RC3H1: variants seen among roughly 807,000 people sequenced by gnomAD.
RC3H1 encodes ring finger and CCCH-type domains 1, also known as roquin-1.
RC3H1 carries 50 observed loss-of-function variants against 138.2 expected under a neutral mutation model. That is an observed-to-expected ratio of 0.36 (90% confidence interval 0.29 to 0.46). The LOEUF is 0.46. RC3H1 is among the 20% of genes least tolerant of loss of function. The pLI is 1.00. For synonymous variants in RC3H1, 462 were observed against 489.1 expected, an observed-to-expected ratio of 0.94 and a Z score of 0.73; for missense variants, 1,031 against 1,388.1, an observed-to-expected ratio of 0.74 and a Z score of 4.09.
At chr1:174,009,263 C>T (rs1178989754) in intron 1 of RC3H1, 1 of 152,150 alleles carries the variant, frequency 6.6e-6, no homozygotes, top group Non-Finnish European at 1.5e-5. Flanking sequence ...TGGTTAAGAA[C>T]ATAGTTTGTC....
At chr1:173,990,470 C>T (rs1169151770) in intron 2 of RC3H1, among the ~76,000 whole-genome samples, 2 of 151,840 alleles carry the variant, frequency 1.3e-5, no homozygotes, top group East Asian at 3.9e-4. Context: ...CCATTGCCAG[C>T]GTATAGAAAT....
intron 18 of RC3H1, among the ~76,000 whole-genome samples, chr1:173,943,229 C>G (rs909489723): frequency 6.6e-6 from 1 of 152,024 alleles, no homozygotes; most frequent in East Asian, 1.9e-4. Flanking sequence ...TAAAAGTTAA[C>G]GAAGAATTAT....
chr1:173,939,919 G>T (rs913415472), intron 19 of RC3H1, among the ~76,000 whole-genome samples: 1 of 152,112 alleles, frequency 6.6e-6, no homozygotes, highest in Non-Finnish European at 1.5e-5. Context: ...AGAAATTTTT[G>T]TTATATATCA....
At position 173,961,576 on chromosome 1, in the gene RC3H1, T is replaced by A. The variant is rs1357114363; in HGVS notation, c.2202+149A>T. ...CATTATATAGTTTAAAAAAAAAAAA[T>A]ACCCAAATTATGAAAAGATTTAAAA... On this transcript the variant is annotated intron_variant, in intron 12 of 19. Transcript: ENST00000367696. The A allele has an allele frequency of 7.8e-6, 6 of 769,468 alleles. No individual in the cohort carries two copies. In the East Asian group the frequency reaches 1.1e-4, roughly 14 times the overall value. 47.7% of individuals were successfully genotyped at this position (769,468 alleles called of 1,614,324 possible). A position where few individuals can be genotyped will look rare whatever the true frequency, so the allele number is the denominator to read the frequency against.
intron 6 of RC3H1, among the ~76,000 whole-genome samples, chr1:173,979,929 T>C (rs945287573): frequency 1.3e-5 from 2 of 152,102 alleles, no homozygotes; most frequent in Non-Finnish European, 2.9e-5. Flanking sequence ...TCTCACTCTG[T>C]TGCCGAGGTG....
chr1:173,959,614 A>G (rs919977043), intron 13 of RC3H1, among the ~76,000 whole-genome samples: 2 of 151,808 alleles, frequency 1.3e-5, no homozygotes, highest in African/African-American at 4.8e-5. Flanking sequence ...CTACTAAAAT[A>G]CAAAAAATTA....
chr1:174,021,612 A>G (rs1294159532), intron 1 of RC3H1, among the ~76,000 whole-genome samples: 1 of 152,160 alleles, frequency 6.6e-6, no homozygotes, highest in African/African-American at 2.4e-5. Flanking sequence ...ACTTGGCCAA[A>G]GAAGGGGAGC....
chr1:173,974,091 C>G (rs1222840286), intron 7 of RC3H1, among the ~76,000 whole-genome samples: 2 of 151,868 alleles, frequency 1.3e-5, no homozygotes, highest in African/African-American at 2.4e-5. Flanking sequence ...GCTGGGATTA[C>G]AGGCATGAGC....
intron 1 of RC3H1, among the ~76,000 whole-genome samples, chr1:174,012,123 G>A (rs1258239762): frequency 2.3e-5 from 3 of 130,846 alleles, no homozygotes; most frequent in Non-Finnish European, 4.5e-5. Context: ...GAGGTGGCAG[G>A]GGTGGCCTGA....
At position 174,022,308 on chromosome 1, in the gene RC3H1, C is replaced by A; in HGVS notation, c.-363G>T. ...CTGCAGCAGGGGCCATCTTGTTGCT[C>A]GGCCTCCTCTTCCTCCTCCTCGTCC... On this transcript the variant is annotated 5_prime_UTR_variant, in exon 1 of 20. Transcript: ENST00000367696. The surrounding 1 kb of genome is among the most constrained non-coding windows in gnomAD (Gnocchi z 4.2). The A allele has an allele frequency of 5.2e-6, 2 of 381,968 alleles. No homozygotes were observed. The highest frequency in any genetic ancestry group is 1.3e-4 in the South Asian group (1 of 7,492). The allele number at this position is 381,968 out of a possible 1,614,324, so 23.7% of individuals were successfully genotyped here. A position where few individuals can be genotyped will look rare whatever the true frequency, so the allele number is the denominator to read the frequency against.
chr1:173,982,201 G>A (rs867228621), intron 5 of RC3H1, among the ~76,000 whole-genome samples: 16 of 152,042 alleles, frequency 1.1e-4, no homozygotes, highest in Non-Finnish European at 1.6e-4. Context: ...CCAACATGGC[G>A]AAACCCCGTC....
At chr1:173,976,229 G>A (rs1433751714) in intron 7 of RC3H1, among the ~76,000 whole-genome samples, 1 of 151,962 alleles carries the variant, frequency 6.6e-6, no homozygotes, top group Non-Finnish European at 1.5e-5. Context: ...CTGAGTTCAG[G>A]AGTTTGAGAA....
intron 18 of RC3H1, among the ~76,000 whole-genome samples, chr1:173,942,754 C>T (rs757638414): frequency 7.9e-5 from 12 of 151,556 alleles, no homozygotes; most frequent in African/African-American, 1.5e-4. Context: ...GGCGTGAACC[C>T]GGGAGGCAGA....
At chr1:174,020,994 GC>G (rs762147908) in intron 1 of RC3H1, among the ~76,000 whole-genome samples, 5 of 152,164 alleles carry the variant, frequency 3.3e-5, no homozygotes, top group Non-Finnish European at 7.3e-5. Flanking sequence ...GGGTGACAGA[GC>G]AAGACTCCGT....
intron 7 of RC3H1, among the ~76,000 whole-genome samples, chr1:173,976,579 A>T (rs1241374983): frequency 6.6e-6 from 1 of 152,196 alleles, no homozygotes; most frequent in African/African-American, 2.4e-5. Flanking sequence ...AGCAGTGGAG[A>T]TAAATGCCTG....
intron 9 of RC3H1, among the ~76,000 whole-genome samples, chr1:173,967,055 CTCACGCCTGTAA>C (rs1461638683): frequency 6.6e-6 from 1 of 152,142 alleles, no homozygotes; most frequent in African/African-American, 2.4e-5. Flanking sequence ...GGCACAATGG[CTCACGCCTGTAA>C]TCCCAGCACT....
intron 1 of RC3H1, among the ~76,000 whole-genome samples, chr1:174,003,944 A>C (rs1661605482): frequency 6.6e-6 from 1 of 151,584 alleles, no homozygotes; most frequent in South Asian, 2.1e-4. Flanking sequence ...TACAGGCATA[A>C]GCCACTGCGC....
chr1:173,948,667 G>C (rs891019014), intron 14 of RC3H1, among the ~76,000 whole-genome samples: 3 of 151,904 alleles, frequency 2.0e-5, no homozygotes, highest in African/African-American at 7.3e-5. Context: ...AGTGATGTGT[G>C]AGCCTCAACC....
At chr1:173,980,428 T>C (rs768270238) in intron 6 of RC3H1, among the ~76,000 whole-genome samples, 43 of 152,024 alleles carry the variant, frequency 2.8e-4, no homozygotes, top group Admixed American at 2.4e-3. Flanking sequence ...ACAGGGCTGT[T>C]GAGAGGATTA....
Sources: allele counts gnomAD v4.1 joint callset (sites outside exome capture counted in the v4.1 genomes callset), GRCh38; gene constraint gnomAD v4.1.1; non-coding constraint Gnocchi (gnomAD v3.1); transcripts MANE v1.5; gene names NCBI Gene and HGNC (gene_info 2026-07-23, HGNC 2026-07-21).